Variants in CAMK1D observed in about 807,000 individuals in gnomAD.
CAMK1D encodes the protein calcium/calmodulin-dependent protein kinase type 1D.
In CAMK1D, 9 loss-of-function variants were observed where a neutral mutation model predicts 47.7. The observed-to-expected ratio is 0.19, with a 90% CI of 0.11 to 0.33. The LOEUF (loss-of-function observed/expected upper bound fraction) is 0.33. Ranked by LOEUF, CAMK1D falls within the 10% of genes least tolerant of loss-of-function variation. The pLI is 1.00. For missense variants in CAMK1D, 291 were observed against 488.7 expected, an observed-to-expected ratio of 0.60 and a Z score of 3.81; for synonymous variants, 184 against 184.9, an observed-to-expected ratio of 0.99 and a Z score of 0.04.
intron 2 of CAMK1D, among the ~76,000 whole-genome samples, chr10:12,632,008 A>C (rs1839393585): frequency 6.6e-6 from 1 of 152,174 alleles, no homozygotes; most frequent in African/African-American, 2.4e-5. Flanking sequence ...AACGCACCAC[A>C]CCGTGCGAAG....
chr10:12,610,811 G>A (rs1426822916), intron 2 of CAMK1D, among the ~76,000 whole-genome samples: 1 of 152,162 alleles, frequency 6.6e-6, no homozygotes, highest in African/African-American at 2.4e-5. Flanking sequence ...AGCCTAACCT[G>A]ACTTTCCCTG....
At chr10:12,456,874 A>T (rs1473277355) in intron 1 of CAMK1D, among the ~76,000 whole-genome samples, 1 of 151,952 alleles carries the variant, frequency 6.6e-6, no homozygotes, top group African/African-American at 2.4e-5. Flanking sequence ...CATTACGGAT[A>T]CATTTACCCT....
chr10:12,515,755 G>A (rs976333749), intron 1 of CAMK1D, among the ~76,000 whole-genome samples: 14 of 151,324 alleles, frequency 9.3e-5, no homozygotes, highest in African/African-American at 2.2e-4. Context: ...GACTATAAGC[G>A]CCTGCCACAG....
intron 2 of CAMK1D, among the ~76,000 whole-genome samples, chr10:12,630,388 T>A (rs7476466): frequency 0.064 from 9,060 of 142,156 alleles, 492 homozygotes; most frequent in African/African-American, 0.16. Flanking sequence ...TTTTTTTTTT[T>A]AAAAAAAAGA....
At chr10:12,605,223 G>T (rs375138085) in intron 2 of CAMK1D, among the ~76,000 whole-genome samples, 1 of 152,078 alleles carries the variant, frequency 6.6e-6, no homozygotes, top group Admixed American at 6.5e-5. Context: ...AAAATAACAG[G>T]CCTGGCTCCA....
intron 7 of CAMK1D, among the ~76,000 whole-genome samples, 157 bp from the exon 8 acceptor site, chr10:12,816,093 C>T (rs562886537): frequency 1.3e-5 from 2 of 152,308 alleles, no homozygotes; most frequent in Admixed American, 6.5e-5. Flanking sequence ...TTTCCCCACA[C>T]GCTGGTGCCT....
chr10:12,452,628 C>T (rs2132035656), intron 1 of CAMK1D, among the ~76,000 whole-genome samples: 1 of 151,904 alleles, frequency 6.6e-6, no homozygotes, highest in South Asian at 2.1e-4. Flanking sequence ...CTCTGTCGCC[C>T]AGGCTGGAGT....
intron 1 of CAMK1D, among the ~76,000 whole-genome samples, chr10:12,353,081 G>A (rs1002726389): frequency 2.0e-5 from 3 of 152,098 alleles, no homozygotes; most frequent in Non-Finnish European, 2.9e-5. Flanking sequence ...CAAGATGCCT[G>A]CTCCACCCTG....
chr10:12,395,065 ATTTTTTT>A (rs5783265), intron 1 of CAMK1D, among the ~76,000 whole-genome samples: 103 of 94,734 alleles, frequency 1.1e-3, no homozygotes, highest in Middle Eastern at 5.1e-3. Flanking sequence ...TAAAATTTTA[ATTTTTTT>A]TTTTTTTTTT....
Position 12,674,599 on chromosome 10 carries a change from C to CTTTTTT in CAMK1D, c.299+7802_299+7807dup, listed in dbSNP as rs11391139. Among the ~76,000 whole-genome samples the CTTTTTT allele has an allele frequency of 1.4e-3, 86 of 63,468 alleles. 8 individuals are homozygous for CTTTTTT. Among genetic ancestry groups the CTTTTTT allele is most frequent in the African/African-American group, 3.9e-3 (60 of 15,202 alleles). 41.6% of individuals were successfully genotyped at this position (63,468 alleles called of 152,430 possible). A position where few individuals can be genotyped will look rare whatever the true frequency, so the allele number is the denominator to read the frequency against. On this transcript the variant is annotated intron_variant, in intron 3 of 10. Transcript: ENST00000619168. The stretch of plus-strand genomic sequence containing the variant: ...TTTTATTTGGGTTTTTGGAAAAATG[C>CTTTTTT]TTTTTTTTTTTTTTTTTTCAGAATT...
chr10:12,420,784 T>C (rs1425251531), intron 1 of CAMK1D, among the ~76,000 whole-genome samples: 1 of 152,072 alleles, frequency 6.6e-6, no homozygotes, highest in Admixed American at 6.6e-5. Flanking sequence ...TAAAATGAAA[T>C]GTTCGATGTG....
chr10:12,643,883 CAAA>C (rs757215270), intron 2 of CAMK1D, among the ~76,000 whole-genome samples: 6 of 114,122 alleles, frequency 5.3e-5, no homozygotes, highest in Non-Finnish European at 7.5e-5. Flanking sequence ...GACTCTGACT[CAAA>C]AAAAAAAAAA....
rs773558007 is a variant in CAMK1D at position 12,777,276 on chromosome 10, C to T, written c.565+7477C>T. 5.3e-5 allele frequency among the ~76,000 whole-genome samples: 8 copies of T among 151,504 alleles called. No homozygotes were observed. In the South Asian group the frequency reaches 6.3e-4, roughly 12 times the overall value. ...TGCTGGCGGAGAGTGGCGTGCTCCC[C>T]GTCAGACATGGAGAAAGTGCTTCAC... On this transcript the variant is annotated intron_variant, in intron 5 of 10. Coordinates refer to ENST00000619168, the MANE Select transcript of CAMK1D (RefSeq NM_153498.4).
chr10:12,379,637 C>T (rs376480287), intron 1 of CAMK1D, among the ~76,000 whole-genome samples: 30 of 152,176 alleles, frequency 2.0e-4, no homozygotes, highest in African/African-American at 6.5e-4. Context: ...TCTGTAATCC[C>T]AGCTACTCGG....
At chr10:12,507,920 C>A (rs192683659) in intron 1 of CAMK1D, among the ~76,000 whole-genome samples, 3 of 152,322 alleles carry the variant, frequency 2.0e-5, no homozygotes, top group Admixed American at 2.0e-4. Flanking sequence ...TCCCTCTCTT[C>A]CCCAAGCCTC....
chr10:12,675,763 C>T (rs1006978709), intron 3 of CAMK1D, among the ~76,000 whole-genome samples: 3 of 152,174 alleles, frequency 2.0e-5, no homozygotes, highest in Admixed American at 6.5e-5. Context: ...ATGGTGGCCT[C>T]CAGGGACCTA....
chr10:12,485,968 A>G (rs1455757577), intron 1 of CAMK1D, among the ~76,000 whole-genome samples: 1 of 152,124 alleles, frequency 6.6e-6, no homozygotes, highest in Non-Finnish European at 1.5e-5. Flanking sequence ...ATTTGAAGGC[A>G]GTTTCCTTCC....
chr10:12,707,485 G>A (rs1833767721), intron 3 of CAMK1D, among the ~76,000 whole-genome samples: 1 of 152,242 alleles, frequency 6.6e-6, no homozygotes, highest in African/African-American at 2.4e-5. Context: ...AGAGGTAGAG[G>A]GTCAAATAAA....
chr10:12,369,421 A>G (rs74118775), intron 1 of CAMK1D, among the ~76,000 whole-genome samples: 3,770 of 152,226 alleles, frequency 0.025, 149 homozygotes, highest in African/African-American at 0.087. Context: ...AGACAGAAAA[A>G]CATGTAATTA....
Sources: gnomAD v4.1 joint callset for allele counts (sites outside exome capture counted in the v4.1 genomes callset) on GRCh38, gnomAD v4.1.1 for gene constraint, MANE v1.5 for transcripts, NCBI Gene and HGNC (gene_info 2026-07-23, HGNC 2026-07-21) for gene names.